NUP188: variants seen among roughly 807,000 people sequenced by gnomAD.
NUP188 encodes the protein nucleoporin NUP188.
Under a neutral mutation model 223.0 loss-of-function variants are expected in NUP188, and 97 were observed. The ratio of observed to expected loss-of-function variants is 0.43; its 90% CI spans 0.37 to 0.51. The LOEUF is 0.51. NUP188 is among the 20% of genes least tolerant of loss of function. NUP188 has a pLI of 0.00. For synonymous variants in NUP188, 869 were observed against 828.0 expected, an observed-to-expected ratio of 1.05 and a Z score of -0.85; for missense variants, 1,947 against 2,175.6, an observed-to-expected ratio of 0.89 and a Z score of 2.09.
In NUP188 at chr9:128,999,689, A is replaced by G. The variant is rs563603368; in HGVS notation, c.3727A>G (p.Ile1243Val). ...NVCETLQEEV[I>V]ALFDQTRHSL... ...CTGTGAGACCCTCCAAGAGGAAGTG[A>G]TTGCACTCTTCGACCAGACCCGCCA... The change falls in exon 34 of 44, where the codon ATT (isoleucine) becomes GTT (valine). Residue 1243 changes from isoleucine (I) to valine (V), a missense_variant. This residue lies in a region of NUP188 where 905 missense variants were observed against 990.6 expected (regional missense o/e 0.91). Transcript: ENST00000372577. 16 of 1,614,012 alleles carry G rather than the reference A, an allele frequency of 9.9e-6. No individual in the cohort carries two copies. In the South Asian group the frequency reaches 1.5e-4, roughly 16 times the overall value.
chr9:128,948,162 G>C, intron 1 of NUP188: 1 of 170,940 alleles, frequency 5.9e-6, no homozygotes, highest in Non-Finnish European at 1.2e-5. Flanking sequence ...CCAGTGTCCT[G>C]CCCCGGCGTC....
rs772441217 is a variant in NUP188, at chr9:128,994,957, A to G, written c.3155+34A>G. On this transcript the variant is annotated intron_variant, in intron 29 of 43. Coordinates refer to ENST00000372577, the MANE Select transcript of NUP188 (RefSeq NM_015354.3). ...TTTCCCCTCTTGAGATTTTAACTGA[A>G]GGTTGGGGGAGTGGGAGTTGGTGGC... is the stretch of plus-strand genomic sequence containing the variant. 3 of 1,513,734 alleles carry G rather than the reference A, an allele frequency of 2.0e-6. No individual in the cohort carries two copies. In the South Asian group the frequency reaches 3.4e-5, roughly 17 times the overall value. The allele number at this position is 1,513,734 out of a possible 1,614,324, so 93.8% of individuals were successfully genotyped here. A position where few individuals can be genotyped will look rare whatever the true frequency, so the allele number is the denominator to read the frequency against.
At chr9:128,971,282 TAAG>T (rs1204936888) in intron 11 of NUP188, among the ~76,000 whole-genome samples, 1 of 152,188 alleles carries the variant, frequency 6.6e-6, no homozygotes. Flanking sequence ...AAGTATGTCT[TAAG>T]AAGATAGCTT....
At chr9:128,988,718 A>ATTTTTTT (rs1842372664) in intron 24 of NUP188, among the ~76,000 whole-genome samples, 1 of 91,338 alleles carries the variant, frequency 1.1e-5, no homozygotes, top group East Asian at 3.5e-4. Context: ...TTAATTTTTT[A>ATTTTTTT]ATTTTTTTTT....
At chr9:128,962,387 T>TA (rs1306594003) in intron 8 of NUP188, among the ~76,000 whole-genome samples, 1 of 151,986 alleles carries the variant, frequency 6.6e-6, no homozygotes, top group African/African-American at 2.4e-5. Flanking sequence ...TAGCTGGGAC[T>TA]GCAGGCGCCC....
rs142930970 is a variant in NUP188, at chr9:128,969,641, A to G, written c.912+127A>G. On this transcript the variant is annotated intron_variant, in intron 10 of 43. Transcript: ENST00000372577. ...TTGTTCAGTGATGCAGAGGTTCTAC[A>G]ATGTTTTCGTTTTGTTTTGTTTTGG... 419 of 547,510 alleles carry G rather than the reference A, an allele frequency of 7.7e-4. 3 individuals are homozygous for G. The highest frequency in any genetic ancestry group is 9.6e-4 in the Non-Finnish European group (301 of 314,384). The allele number at this position is 547,510 out of a possible 1,614,324, so 33.9% of individuals were successfully genotyped here.
At chr9:129,002,378 G>A (rs1246500056) in intron 36 of NUP188, among the ~76,000 whole-genome samples, 3 of 152,212 alleles carry the variant, frequency 2.0e-5, no homozygotes, top group South Asian at 4.1e-4. Flanking sequence ...TGGTCTGGGG[G>A]CTTGATGGGG....
intron 2 of NUP188, 64 bp downstream of exon 2, chr9:128,949,307 A>T (rs1026681160): frequency 1.7e-6 from 2 of 1,209,046 alleles, no homozygotes; most frequent in Non-Finnish European, 2.4e-6. Context: ...TACCAAAAAA[A>T]ACCTTTTTTT....
intron 10 of NUP188, among the ~76,000 whole-genome samples, chr9:128,970,239 A>G (rs1842087141): frequency 6.6e-6 from 1 of 152,102 alleles, no homozygotes; most frequent in African/African-American, 2.4e-5. Context: ...CTACAATGTT[A>G]AACAGTTGAT....
intron 3 of NUP188, among the ~76,000 whole-genome samples, chr9:128,956,121 TTTTTG>T (rs889373465): frequency 2.2e-4 from 33 of 152,128 alleles, no homozygotes; most frequent in African/African-American, 2.9e-4. Context: ...AACCACTTTT[TTTTTG>T]TTTTGTTTTG....
chr9:128,964,729 A>G (rs1304169375), intron 8 of NUP188, among the ~76,000 whole-genome samples: 2 of 134,726 alleles, frequency 1.5e-5, no homozygotes, highest in Admixed American at 7.9e-5. Flanking sequence ...TTTTTTTGAG[A>G]CGCTCTCACT....
intron 2 of NUP188, among the ~76,000 whole-genome samples, chr9:128,951,401 C>G (rs1429998017): frequency 6.6e-6 from 1 of 151,268 alleles, no homozygotes. Context: ...ATCGCTTAAG[C>G]TCAGGATATC....
intron 25 of NUP188, among the ~76,000 whole-genome samples, chr9:128,991,942 C>T (rs1445652655): frequency 7.7e-6 from 1 of 129,650 alleles, no homozygotes; most frequent in Non-Finnish European, 1.6e-5. Flanking sequence ...GAGTCTCGCT[C>T]TGTTGCCTAG....
At chr9:128,949,540 C>T (rs372824690) in intron 2 of NUP188, among the ~76,000 whole-genome samples, 5 of 152,132 alleles carry the variant, frequency 3.3e-5, no homozygotes, top group African/African-American at 1.2e-4. Context: ...CCATTTTGGT[C>T]AGGCTGGTCT....
intron 19 of NUP188, 83 bp from the exon 20 acceptor site, chr9:128,984,817 C>A: frequency 1.2e-6 from 1 of 867,870 alleles, no homozygotes; most frequent in Non-Finnish European, 1.8e-6. Context: ...GTCATCTAGA[C>A]TATAACAAGA....
rs1333097692 is a variant in NUP188 at position 129,006,618 on chromosome 9, TGA to T, written c.5194_5195del (p.Gln1733GlyfsTer44). ...CCACCTCTCTCTCCAAAGCCAGCCC[TGA>T]GAGTCAGGAGCCTCTGATCCAGTTG... is the stretch of plus-strand genomic sequence containing the variant. The part of the protein sequence containing the change: ...KSTSLSKASP[E>X]SQEPLIQLVQ... On this transcript the variant is annotated frameshift_variant, in exon 44 of 44. Transcript: ENST00000372577. LOFTEE classifies it high-confidence loss of function. 1 of 1,614,176 alleles carries T rather than the reference TGA, an allele frequency of 6.2e-7. No homozygotes were observed. Among genetic ancestry groups the T allele is most frequent in the Non-Finnish European group, 8.5e-7 (1 of 1,180,022 alleles).
intron 11 of NUP188, 38 bp from the exon 12 acceptor site, chr9:128,973,122 T>C: frequency 7.5e-7 from 1 of 1,334,514 alleles, no homozygotes; most frequent in Non-Finnish European, 1.1e-6. Flanking sequence ...AAGAGTTGTA[T>C]TACTCAGAAT....
At chr9:128,987,520 G>A in intron 22 of NUP188, 69 bp from the exon 23 acceptor site, 1 of 1,525,796 alleles carries the variant, frequency 6.6e-7, no homozygotes, top group Non-Finnish European at 8.9e-7. Flanking sequence ...TAGCCTAATT[G>A]GACAATGCCC....
At chr9:128,985,500 C>T (rs189489027) in intron 20 of NUP188, among the ~76,000 whole-genome samples, 61 of 152,218 alleles carry the variant, frequency 4.0e-4, no homozygotes, top group African/African-American at 1.3e-3. Context: ...GGTTACAACT[C>T]GGTTTGAAAA....
Sources: gnomAD v4.1 joint callset for allele counts (sites outside exome capture counted in the v4.1 genomes callset) on GRCh38, gnomAD v4.1.1 for gene constraint, gnomAD v4.1.1 regional missense constraint, MANE v1.5 for transcripts, NCBI Gene and HGNC (gene_info 2026-07-23, HGNC 2026-07-21) for gene names.